Variants in LIPC observed in about 807,000 individuals in gnomAD.
LIPC encodes hepatic triacylglycerol lipase.
Under a neutral mutation model 50.7 loss-of-function variants are expected in LIPC, and 44 were observed. The observed-to-expected ratio is 0.87, with a 90% CI of 0.68 to 1.11. LIPC has a LOEUF of 1.11. LIPC is among the 50% of genes most tolerant of loss of function. LIPC has a pLI of 0.00. For synonymous variants in LIPC, 271 were observed against 256.4 expected (o/e 1.06, Z -0.54); for missense variants, 697 against 648.2 (o/e 1.08, Z -0.82).
At chr15:58,490,853 C>A (rs1176154627) in intron 1 of LIPC, among the ~76,000 whole-genome samples, 7 of 152,030 alleles carry the variant, frequency 4.6e-5, no homozygotes, top group African/African-American at 1.7e-4. Flanking sequence ...GCAGCACTTG[C>A]AAAAATTTCA....
intron 1 of LIPC, among the ~76,000 whole-genome samples, chr15:58,526,428 G>T (rs1892801402): frequency 1.3e-5 from 2 of 152,202 alleles, no homozygotes; most frequent in South Asian, 4.1e-4. Context: ...GAGCACCCTA[G>T]CTGGTGGAGG....
intron 1 of LIPC, among the ~76,000 whole-genome samples, chr15:58,448,888 A>C (rs1893798716): frequency 6.6e-6 from 1 of 152,254 alleles, no homozygotes; most frequent in Admixed American, 6.5e-5. Context: ...GGGGGCCAGT[A>C]ATCTGCACTC....
chr15:58,454,553 T>C (rs1197475077), intron 1 of LIPC: 1 of 152,264 alleles, frequency 6.6e-6, no homozygotes, highest in Non-Finnish European at 1.5e-5. Context: ...TGGCTCTGTC[T>C]GAATGATTCA....
intron 1 of LIPC, among the ~76,000 whole-genome samples, chr15:58,490,914 C>A (rs4774300): frequency 0.02 from 3,005 of 152,278 alleles, 41 homozygotes; most frequent in Middle Eastern, 0.037. Flanking sequence ...TAATTACACC[C>A]AGGTGGAAGC....
At position 58,548,547 on chromosome 15, in the gene LIPC, A is replaced by G; in HGVS notation, c.1026A>G (p.Val342=). ...GCAAGAGCAAGAGGCTCTTCCTCGT[A>G]ACGCGAGCCCAGTCCCCCTTCAAAG... The part of the protein sequence containing the change: ...PRSKSKRLFL[V]TRAQSPFKVY... The change falls in exon 6 of 9, where the codon GTA becomes GTG. Residue 342 remains valine (V), a synonymous_variant. Transcript: ENST00000299022. The G allele has an allele frequency of 6.3e-7, 1 of 1,593,934 alleles. No homozygotes were observed.
chr15:58,538,388 G>A lies in LIPC; in HGVS notation c.144G>A (p.Met48Ile). The change falls in exon 2 of 9, where the codon ATG (methionine) becomes ATA (isoleucine). Residue 48 changes from methionine to isoleucine, a missense_variant. Met to Ile is a conservative substitution (Grantham distance 10). Transcript: ENST00000299022. ...AAACAAACAAAACGCTGCATGAGAT[G>A]AAGACCAGATTCCTGCTCTTTGGAG... ...AVETNKTLHE[M>I]KTRFLLFGET... 6.2e-7 allele frequency: 1 copy of A among 1,614,134 alleles called. No individual in the cohort carries two copies. Among genetic ancestry groups the A allele is most frequent in the Non-Finnish European group, 8.5e-7 (1 of 1,179,970 alleles).
intron 1 of LIPC, among the ~76,000 whole-genome samples, chr15:58,438,819 G>A (rs964123063): frequency 3.9e-5 from 6 of 152,226 alleles, no homozygotes; most frequent in African/African-American, 1.4e-4. Flanking sequence ...GTGACTGGAA[G>A]ATGAGGCTGT....
At chr15:58,433,389 G>T (rs1163431363) in intron 1 of LIPC, among the ~76,000 whole-genome samples, 1 of 152,208 alleles carries the variant, frequency 6.6e-6, no homozygotes, top group Admixed American at 6.5e-5. Context: ...AGCCTTCCTT[G>T]TGTGCCCCTT....
chr15:58,480,270 CTTCA>C (rs1173835424), intron 1 of LIPC, among the ~76,000 whole-genome samples: 1 of 152,142 alleles, frequency 6.6e-6, no homozygotes, highest in African/African-American at 2.4e-5. Context: ...TGTCCATAAG[CTTCA>C]TTCATTCATT....
In LIPC at chr15:58,560,868, T is replaced by C. The variant is rs568535030; in HGVS notation, c.1056T>C (p.Tyr352=). Reference sequence around the variant, plus strand: ...TCTCTCTGTCTCTCTCTCTAGTTTATCATTACCAGTTCAAGATCCAGTTCA... The same window carrying C: ...TCTCTCTGTCTCTCTCTCTAGTTTACCATTACCAGTTCAAGATCCAGTTCA... ...VTRAQSPFKV[Y]HYQFKIQFIN... is the part of the protein sequence containing the mutation. Residue 352 remains tyrosine, a synonymous_variant, in exon 7 of 9, where the codon TAT becomes TAC. Transcript: ENST00000299022. 3.3e-5 allele frequency: 34 copies of C among 1,045,538 alleles called. No individual in the cohort carries two copies. In the South Asian group the frequency reaches 4.3e-4, roughly 13 times the overall value. 64.8% of individuals were successfully genotyped at this position (1,045,538 alleles called of 1,614,324 possible).
intron 1 of LIPC, among the ~76,000 whole-genome samples, chr15:58,449,612 C>T (rs186127077): frequency 4.6e-5 from 7 of 151,680 alleles, no homozygotes; most frequent in South Asian, 2.1e-4. Context: ...TGCAGTAGCA[C>T]GATCCTGGCT....
intron 6 of LIPC, among the ~76,000 whole-genome samples, chr15:58,559,305 C>T (rs1175423927): frequency 1.3e-5 from 2 of 152,126 alleles, no homozygotes; most frequent in Admixed American, 6.5e-5. Context: ...TGATACGTCA[C>T]CCCCAAGCAA....
At chr15:58,517,832 G>T (rs1025457244) in intron 1 of LIPC, among the ~76,000 whole-genome samples, 5 of 152,224 alleles carry the variant, frequency 3.3e-5, no homozygotes, top group South Asian at 4.1e-4. Context: ...CAACAAGCGT[G>T]TAAGTAAGAA....
intron 8 of LIPC, chr15:58,565,103 G>A (rs943109983): frequency 8.2e-6 from 10 of 1,225,718 alleles, no homozygotes; most frequent in Admixed American, 2.0e-5. Flanking sequence ...TTATACAACC[G>A]CACTCTGAGA....
chr15:58,506,956 T>C (rs778283405), intron 1 of LIPC, among the ~76,000 whole-genome samples: 10 of 152,124 alleles, frequency 6.6e-5, no homozygotes, highest in Admixed American at 2.0e-4. Context: ...CTTCCGCAAA[T>C]GGTGGCAACA....
chr15:58,565,596 A>G, intron 8 of LIPC: 3 of 1,103,508 alleles, frequency 2.7e-6, no homozygotes, highest in South Asian at 7.8e-5. Flanking sequence ...CACAGAAGTT[A>G]CACAGCTTGA....
At chr15:58,487,131 GC>G (rs1332690671) in intron 1 of LIPC, among the ~76,000 whole-genome samples, 9 of 152,164 alleles carry the variant, frequency 5.9e-5, no homozygotes, top group Admixed American at 5.9e-4. Context: ...AAAAACATTG[GC>G]TGAACCCCAT....
chr15:58,448,697 A>G (rs1344756466), intron 1 of LIPC, among the ~76,000 whole-genome samples: 1 of 152,244 alleles, frequency 6.6e-6, no homozygotes, highest in African/African-American at 2.4e-5. Context: ...CCCTCAAAGG[A>G]AAATGCTAGT....
chr15:58,519,893 T>A (rs554000941), intron 1 of LIPC, among the ~76,000 whole-genome samples: 1 of 152,342 alleles, frequency 6.6e-6, no homozygotes, highest in South Asian at 2.1e-4. Flanking sequence ...CCGCTATTTC[T>A]TGGTGGATTT....
Sources: allele counts gnomAD v4.1 joint callset (sites outside exome capture counted in the v4.1 genomes callset), GRCh38; gene constraint gnomAD v4.1.1; transcripts MANE v1.5; gene names NCBI Gene and HGNC (gene_info 2026-07-23, HGNC 2026-07-21).